Variants in MLLT3 observed in about 807,000 individuals in gnomAD.
The protein encoded by MLLT3 is MLLT3 super elongation complex subunit, also known as protein AF-9.
Under a neutral mutation model 53.2 loss-of-function variants are expected in MLLT3, and 4 were observed. That is an observed-to-expected ratio of 0.08 (90% CI 0.04 to 0.17). MLLT3 has a LOEUF of 0.17. Among genes scored for constraint, MLLT3 ranks in the 10% least tolerant of loss-of-function variants. The pLI is 1.00. For missense variants in MLLT3, 569 were observed against 684.0 expected, an observed-to-expected ratio of 0.83 and a Z score of 1.87; for synonymous variants, 283 against 230.6, an observed-to-expected ratio of 1.23 and a Z score of -2.06.
chr9:20,493,600 G>C (rs1209253640), intron 2 of MLLT3, among the ~76,000 whole-genome samples: 1 of 151,942 alleles, frequency 6.6e-6, no homozygotes, highest in Non-Finnish European at 1.5e-5. Flanking sequence ...GGAAGATAAA[G>C]AATCCACTTA....
At chr9:20,379,805 A>C (rs186027041) in intron 5 of MLLT3, among the ~76,000 whole-genome samples, 77 of 152,144 alleles carry the variant, frequency 5.1e-4, no homozygotes, top group African/African-American at 1.7e-3. Flanking sequence ...AAGTTTCAGT[A>C]ATCAGAGTCC....
chr9:20,514,939 A>ATTTTTTTTTTTTTTTTTTTTTTTTTTTTT, intron 2 of MLLT3, among the ~76,000 whole-genome samples: 1 of 88,734 alleles, frequency 1.1e-5, no homozygotes, highest in Non-Finnish European at 2.1e-5. Context: ...TGAAGGAACA[A>ATTTTTTTTTTTTTTTTTTTTTTTTTTTTT]TTTTTTTTTT....
chr9:20,441,276 C>G (rs1823544878), intron 4 of MLLT3, among the ~76,000 whole-genome samples: 1 of 152,120 alleles, frequency 6.6e-6, no homozygotes, highest in African/African-American at 2.4e-5. Context: ...AAGTCTGTAA[C>G]TGCCCTGCAA....
At chr9:20,568,376 TTAAAA>T (rs996451721) in intron 2 of MLLT3, among the ~76,000 whole-genome samples, 4 of 152,186 alleles carry the variant, frequency 2.6e-5, no homozygotes, top group African/African-American at 9.6e-5. Context: ...GACTGAAAAC[TTAAAA>T]TAAAATGCTA....
At chr9:20,515,484 A>G (rs942583197) in intron 2 of MLLT3, among the ~76,000 whole-genome samples, 3 of 152,102 alleles carry the variant, frequency 2.0e-5, no homozygotes, top group Admixed American at 6.5e-5. Context: ...TTTAGTTCCT[A>G]TATCTGACTG....
At chr9:20,609,170 C>T (rs1820640537) in intron 2 of MLLT3, among the ~76,000 whole-genome samples, 1 of 151,978 alleles carries the variant, frequency 6.6e-6, no homozygotes, top group Admixed American at 6.6e-5. Flanking sequence ...CGGCTCTAGT[C>T]AATTGCTTGA....
chr9:20,431,541 C>T (rs1280231594), intron 4 of MLLT3, among the ~76,000 whole-genome samples: 1 of 152,084 alleles, frequency 6.6e-6, no homozygotes, highest in Non-Finnish European at 1.5e-5. Flanking sequence ...GTTTATGAAA[C>T]TTTTGTCTCA....
chr9:20,522,613 C>G (rs1352322350), intron 2 of MLLT3, among the ~76,000 whole-genome samples: 2 of 151,798 alleles, frequency 1.3e-5, no homozygotes, highest in East Asian at 1.9e-4. Flanking sequence ...AGGGTGGATA[C>G]AGAAATCTGT....
At chr9:20,520,442 A>C (rs928461249) in intron 2 of MLLT3, among the ~76,000 whole-genome samples, 14 of 152,182 alleles carry the variant, frequency 9.2e-5, no homozygotes, top group African/African-American at 3.4e-4. Context: ...TCAATGAAAA[A>C]GCACTTATTT....
At chr9:20,499,854 T>C (rs1179716535) in intron 2 of MLLT3, among the ~76,000 whole-genome samples, 3 of 152,152 alleles carry the variant, frequency 2.0e-5, no homozygotes, top group Non-Finnish European at 4.4e-5. Context: ...TATTTGAGCC[T>C]AGGGCTTTGA....
intron 7 of MLLT3, 45 bp from the exon 8 acceptor site, chr9:20,360,886 A>T: frequency 6.7e-7 from 1 of 1,501,288 alleles, no homozygotes; most frequent in Non-Finnish European, 9.3e-7. Flanking sequence ...CAAACAGATG[A>T]TTCTTGAAAT....
At chr9:20,366,205 T>G (rs1368892750) in intron 5 of MLLT3, among the ~76,000 whole-genome samples, 3 of 152,178 alleles carry the variant, frequency 2.0e-5, no homozygotes, top group Non-Finnish European at 4.4e-5. Flanking sequence ...CCCTAGCCCC[T>G]GACCCCTGAA....
At chr9:20,599,518 A>C (rs189846480) in intron 2 of MLLT3, among the ~76,000 whole-genome samples, 1 of 152,174 alleles carries the variant, frequency 6.6e-6, no homozygotes, top group African/African-American at 2.4e-5. Flanking sequence ...GTCCATGGTA[A>C]ACATAACCAA....
intron 2 of MLLT3, among the ~76,000 whole-genome samples, chr9:20,572,218 G>A (rs928447651): frequency 2.0e-5 from 3 of 152,294 alleles, no homozygotes; most frequent in African/African-American, 4.8e-5. Flanking sequence ...CAGAGGGGTG[G>A]AGGAATGGGG....
chr9:20,369,632 A>G (rs1275209579), intron 5 of MLLT3, among the ~76,000 whole-genome samples: 1 of 152,226 alleles, frequency 6.6e-6, no homozygotes, highest in Non-Finnish European at 1.5e-5. Context: ...ACATTTCATC[A>G]AGCCCAACCA....
chr9:20,504,468 T>C (rs910722346), intron 2 of MLLT3, among the ~76,000 whole-genome samples: 1 of 151,910 alleles, frequency 6.6e-6, no homozygotes, highest in African/African-American at 2.4e-5. Flanking sequence ...CTGGAAGACA[T>C]TATGTTAAGA....
At chr9:20,597,973 T>C (rs1025623518) in intron 2 of MLLT3, among the ~76,000 whole-genome samples, 6 of 152,358 alleles carry the variant, frequency 3.9e-5, no homozygotes, top group Admixed American at 1.3e-4. Flanking sequence ...ACATTTGCTT[T>C]ACTTCTAAAT....
At chr9:20,435,048 T>C (rs1383875294) in intron 4 of MLLT3, among the ~76,000 whole-genome samples, 6 of 152,108 alleles carry the variant, frequency 3.9e-5, no homozygotes, top group Non-Finnish European at 7.4e-5. Context: ...CCTTAGTCTT[T>C]AGAGACTCAG....
rs565260467 is a variant in MLLT3, at chr9:20,375,084, C to T, written c.1126-9340G>A. Among the ~76,000 whole-genome samples the T allele has an allele frequency of 6.8e-4, 103 of 152,310 alleles. 2 individuals carry two copies. In the South Asian group the frequency reaches 0.02, roughly 29 times the overall value. On this transcript the variant is annotated intron_variant, in intron 5 of 10. Coordinates refer to ENST00000380338, the MANE Select transcript of MLLT3 (RefSeq NM_004529.4). Reference sequence around the variant, plus strand: ...CCTTACCAGATTCCTTGTTGGACTTCCCAGCCTTTAAAACTGCGAGAAATA... The same window carrying T: ...CCTTACCAGATTCCTTGTTGGACTTTCCAGCCTTTAAAACTGCGAGAAATA...
Sources: gnomAD v4.1 joint callset for allele counts (sites outside exome capture counted in the v4.1 genomes callset) on GRCh38, gnomAD v4.1.1 for gene constraint, MANE v1.5 for transcripts, NCBI Gene and HGNC (gene_info 2026-07-23, HGNC 2026-07-21) for gene names.